Variants in ARHGAP17 observed in about 807,000 individuals in gnomAD.
ARHGAP17 encodes rho GTPase-activating protein 17.
Under a neutral mutation model 99.5 loss-of-function variants are expected in ARHGAP17, and 57 were observed. The ratio of observed to expected loss-of-function variants is 0.57; its 90% CI spans 0.46 to 0.71. ARHGAP17 has a LOEUF of 0.71. Ranked by LOEUF, ARHGAP17 falls within the 30% of genes least tolerant of loss-of-function variation. The pLI, the probability that ARHGAP17 is intolerant of heterozygous loss-of-function variation, is 0.00. For missense variants in ARHGAP17, 1,000 were observed against 1,122.4 expected (o/e 0.89, Z 1.56); for synonymous variants, 417 against 429.6 (o/e 0.97, Z 0.36).
Position 25,015,132 on chromosome 16 carries a change from G to A in ARHGAP17, c.53+77C>T, listed in dbSNP as rs577382977. On this transcript the variant is annotated intron_variant, in intron 1 of 19. Coordinates refer to ENST00000289968, the MANE Select transcript of ARHGAP17 (RefSeq NM_001006634.3). ...CAGCTCAGAGCCGCCGGACCGCGGAGGAGCCGTCCCGCCCCCGCGCCCTCC... is the reference window on the plus strand; with the variant it reads ...CAGCTCAGAGCCGCCGGACCGCGGAAGAGCCGTCCCGCCCCCGCGCCCTCC... 60 of 1,188,928 alleles carry A rather than the reference G, an allele frequency of 5.0e-5. No individual in the cohort carries two copies. In the African/African-American group the frequency reaches 8.1e-4, roughly 16 times the overall value. 73.6% of individuals were successfully genotyped at this position (1,188,928 alleles called of 1,614,324 possible).
intron 7 of ARHGAP17, among the ~76,000 whole-genome samples, chr16:24,962,093 TA>T: frequency 6.6e-6 from 1 of 151,282 alleles, no homozygotes; most frequent in East Asian, 1.9e-4. Context: ...CATCCTTTTA[TA>T]ATAACTGGGA....
intron 19 of ARHGAP17, among the ~76,000 whole-genome samples, chr16:24,923,690 C>T (rs2050770257): frequency 6.8e-6 from 1 of 147,706 alleles, no homozygotes; most frequent in Non-Finnish European, 1.5e-5. Context: ...TGCACTCTAG[C>T]CTGGGCAACA....
At chr16:24,964,438 T>A (rs2141288809) in intron 6 of ARHGAP17, 130 bp from the exon 7 acceptor site, 2 of 664,082 alleles carry the variant, frequency 3.0e-6, no homozygotes, top group Non-Finnish European at 5.3e-6. Context: ...TTGCCCAGGA[T>A]GCCAAATTCT....
chr16:25,015,200 C>T lies in ARHGAP17; in HGVS notation c.53+9G>A. 7.6e-7 allele frequency: 1 copy of T among 1,319,460 alleles called. No homozygotes were observed. 81.7% of individuals were successfully genotyped at this position (1,319,460 alleles called of 1,614,324 possible). On this transcript the variant is annotated intron_variant, in intron 1 of 19. Transcript: ENST00000289968. The stretch of plus-strand genomic sequence containing the variant: ...CCGGTGCGACCCCCGTGCTGCCCGG[C>T]GCACTCGCCTGCCCACGGTCTGGTT...
chr16:24,935,799 T>C, intron 17 of ARHGAP17, 160 bp from the exon 18 acceptor site: 2 of 785,042 alleles, frequency 2.5e-6, no homozygotes, highest in Non-Finnish European at 4.2e-6. Context: ...ATAAAGCTAA[T>C]GTTTACTTGG....
chr16:24,952,483 T>G (rs1243727132), intron 11 of ARHGAP17, 113 bp from the exon 12 acceptor site: 1 of 703,340 alleles, frequency 1.4e-6, no homozygotes, highest in Non-Finnish European at 2.3e-6. Context: ...AAGGTGTACA[T>G]AACAAATCAT....
rs2051567898 is a variant in ARHGAP17 at position 24,949,391 on chromosome 16, C to T, written c.1127+13G>A. On this transcript the variant is annotated intron_variant, in intron 13 of 19. Coordinates refer to ENST00000289968, the MANE Select transcript of ARHGAP17 (RefSeq NM_001006634.3). ...TCTTCACTCCAGAGTCATTGTAGCTCAATCATACATACCTAAAGTTAACAA... is the reference window on the plus strand; with the variant it reads ...TCTTCACTCCAGAGTCATTGTAGCTTAATCATACATACCTAAAGTTAACAA... 6.2e-7 allele frequency: 1 copy of T among 1,607,868 alleles called. No homozygotes were observed. Among genetic ancestry groups the T allele is most frequent in the Non-Finnish European group, 8.5e-7 (1 of 1,175,878 alleles).
intron 17 of ARHGAP17, among the ~76,000 whole-genome samples, chr16:24,939,096 T>C (rs1335656995): frequency 1.3e-5 from 2 of 152,370 alleles, no homozygotes; most frequent in African/African-American, 2.4e-5. Context: ...CTCATCACAC[T>C]ATGAGACATC....
chr16:24,987,811 G>C (rs1229507055), intron 1 of ARHGAP17, among the ~76,000 whole-genome samples: 1 of 152,226 alleles, frequency 6.6e-6, no homozygotes, highest in Non-Finnish European at 1.5e-5. Context: ...ATGAAGCATG[G>C]AGAGAATTTT....
At chr16:24,976,704 G>T (rs1165401250) in intron 3 of ARHGAP17, among the ~76,000 whole-genome samples, 1 of 152,184 alleles carries the variant, frequency 6.6e-6, no homozygotes, top group Non-Finnish European at 1.5e-5. Context: ...GCCCATAGAA[G>T]CTGCCAATAG....
At position 24,961,911 on chromosome 16, in the gene ARHGAP17, T is replaced by TTATA. The variant is rs67952203; in HGVS notation, c.574-1936_574-1933dup. ...TCAAATATAAATATACATAGGAATT[T>TTATA]TATATATATATATATATATGAAAAC... On this transcript the variant is annotated intron_variant, in intron 7 of 19. Transcript: ENST00000289968. Among the ~76,000 whole-genome samples the TTATA allele has an allele frequency of 5.7e-3, 745 of 130,018 alleles. 21 individuals carry two copies. Among genetic ancestry groups the TTATA allele is most frequent in the African/African-American group, 0.022 (690 of 31,350 alleles). 85.3% of individuals were successfully genotyped at this position (130,018 alleles called of 152,430 possible).
chr16:24,935,620 GGTCCTTCGGTT>G lies in ARHGAP17; in HGVS notation c.1733_1743del (p.Lys578ThrfsTer53). Reference sequence around the variant, plus strand: ...GGTGCTGGCACAGCTGCAGATACAGGGTCCTTCGGTTTGGGAGGACTAAGAGGAGTAAAAGT... The same window carrying G: ...GGTGCTGGCACAGCTGCAGATACAGGTGGGAGGACTAAGAGGAGTAAAAGT... On this transcript the variant is annotated frameshift_variant, in exon 18 of 20. Transcript: ENST00000289968. LOFTEE classifies it high-confidence loss of function. The G allele has an allele frequency of 6.2e-7, 1 of 1,614,018 alleles. No individual in the cohort carries two copies. Among genetic ancestry groups the G allele is most frequent in the Non-Finnish European group, 8.5e-7 (1 of 1,180,030 alleles).
At chr16:24,948,536 A>T (rs1852129659) in intron 13 of ARHGAP17, among the ~76,000 whole-genome samples, 1 of 152,124 alleles carries the variant, frequency 6.6e-6, no homozygotes, top group Admixed American at 6.5e-5. Context: ...ATAAAGAGCC[A>T]AACTCTCAAC....
At chr16:24,982,172 G>C (rs993965024) in intron 1 of ARHGAP17, among the ~76,000 whole-genome samples, 2 of 152,014 alleles carry the variant, frequency 1.3e-5, no homozygotes, top group Non-Finnish European at 2.9e-5. Context: ...GGGAAGCCAA[G>C]GTGGGTGGAT....
intron 19 of ARHGAP17, among the ~76,000 whole-genome samples, chr16:24,924,112 C>G (rs768928767): frequency 2.0e-5 from 3 of 152,186 alleles, no homozygotes; most frequent in South Asian, 2.1e-4. Context: ...CTCCCTCCCC[C>G]TCTCCACCAC....
intron 1 of ARHGAP17, among the ~76,000 whole-genome samples, chr16:25,002,428 T>A (rs550266388): frequency 6.6e-6 from 1 of 152,254 alleles, no homozygotes; most frequent in African/African-American, 2.4e-5. Context: ...TCCCTTTCCC[T>A]TCCTCCCTGG....
intron 7 of ARHGAP17, among the ~76,000 whole-genome samples, chr16:24,962,388 T>C (rs2052037772): frequency 6.6e-6 from 1 of 152,170 alleles, no homozygotes; most frequent in Non-Finnish European, 1.5e-5. Flanking sequence ...CAAATGCACT[T>C]AGCATCACAT....
intron 19 of ARHGAP17, among the ~76,000 whole-genome samples, chr16:24,924,776 T>C (rs2050799249): frequency 6.6e-6 from 1 of 151,376 alleles, no homozygotes; most frequent in Non-Finnish European, 1.5e-5. Context: ...GGCAGGAGAA[T>C]CGCTTGAACC....
At chr16:24,992,016 CA>C (rs1242047943) in intron 1 of ARHGAP17, among the ~76,000 whole-genome samples, 1 of 152,092 alleles carries the variant, frequency 6.6e-6, no homozygotes, top group African/African-American at 2.4e-5. Flanking sequence ...GGAAACAGTC[CA>C]AGTGGACCTC....
Sources: allele counts gnomAD v4.1 joint callset (sites outside exome capture counted in the v4.1 genomes callset), GRCh38; gene constraint gnomAD v4.1.1; transcripts MANE v1.5; gene names NCBI Gene and HGNC (gene_info 2026-07-23, HGNC 2026-07-21).